USP34: variants seen among roughly 807,000 people sequenced by gnomAD.
USP34 encodes the protein ubiquitin carboxyl-terminal hydrolase 34.
A neutral mutation model predicts 460.3 loss-of-function variants in USP34; 70 were observed. The ratio of observed to expected loss-of-function variants is 0.15; its 90% CI spans 0.13 to 0.19. The LOEUF is 0.19. Among genes scored for constraint, USP34 ranks in the 10% least tolerant of loss-of-function variants. The pLI, the probability that USP34 is intolerant of heterozygous loss-of-function variation, is 1.00. For synonymous variants in USP34, 1,647 were observed against 1,405.3 expected, an observed-to-expected ratio of 1.17 and a Z score of -3.85; for missense variants, 3,985 against 4,236.2, an observed-to-expected ratio of 0.94 and a Z score of 1.65.
intron 34 of USP34, 53 bp from the exon 35 acceptor site, chr2:61,285,010 C>A: frequency 7.0e-7 from 1 of 1,427,728 alleles, no homozygotes; most frequent in Non-Finnish European, 9.6e-7. Context: ...AAGGAAAACC[C>A]TCAAAAAGCA....
At chr2:61,315,215 C>A (rs3765051) in intron 23 of USP34, among the ~76,000 whole-genome samples, 31 of 152,068 alleles carry the variant, frequency 2.0e-4, no homozygotes. Context: ...CTACATAGTA[C>A]GAAAATTCTA....
At position 61,226,843 on chromosome 2, in the gene USP34, T is replaced by C. The variant is rs930437562; in HGVS notation, c.7595+224A>G. 1.9e-5 allele frequency: 9 copies of C among 473,238 alleles called. No homozygotes were observed. The Admixed American group carries it at 2.1e-4, about 11-fold the overall frequency. The allele number at this position is 473,238 out of a possible 1,614,324, so 29.3% of individuals were successfully genotyped here. On this transcript the variant is annotated intron_variant, in intron 62 of 79. Coordinates refer to ENST00000398571, the MANE Select transcript of USP34 (RefSeq NM_014709.4). ...CAATGACTATTTCTAACACGACTCA[T>C]AGATGAAGTAAAAGTTTGGTAGAAA... is the stretch of plus-strand genomic sequence containing the variant.
At chr2:61,348,681 A>G (rs897191742) in intron 14 of USP34, 75 bp downstream of exon 14, 1 of 1,529,876 alleles carries the variant, frequency 6.5e-7, no homozygotes, top group African/African-American at 1.4e-5. Context: ...AATTATGTAT[A>G]TATACCCAAT....
At chr2:61,428,772 T>A (rs1694581840) in intron 1 of USP34, among the ~76,000 whole-genome samples, 2 of 152,034 alleles carry the variant, frequency 1.3e-5, no homozygotes, top group Admixed American at 6.6e-5. Flanking sequence ...AGGAAAAAAA[T>A]TAGCTATGCC....
At position 61,446,663 on chromosome 2, in the gene USP34, G is replaced by T. The variant is rs193271864; in HGVS notation, c.43+23987C>A. 1.8e-4 allele frequency among the ~76,000 whole-genome samples: 28 copies of T among 152,116 alleles called. No homozygotes were observed. In the Middle Eastern group the frequency reaches 0.01, roughly 55 times the overall value. ...ATACAAAAATTAGCCAGGTGTAGTGGTATGTGCCTGTAATCTCAGCTACTC... is the reference window on the plus strand; with the variant it reads ...ATACAAAAATTAGCCAGGTGTAGTGTTATGTGCCTGTAATCTCAGCTACTC... On this transcript the variant is annotated intron_variant, in intron 1 of 79. Coordinates refer to ENST00000398571, the MANE Select transcript of USP34 (RefSeq NM_014709.4).
At chr2:61,312,060 G>T (rs1221581862) in intron 25 of USP34, 150 bp from the exon 26 acceptor site, 1 of 931,880 alleles carries the variant, frequency 1.1e-6, no homozygotes, top group Non-Finnish European at 1.5e-6. Context: ...TTTAAGTTCA[G>T]ATTCATCATA....
intron 57 of USP34, 35 bp downstream of exon 57, chr2:61,235,808 CTT>C: frequency 6.3e-7 from 1 of 1,590,544 alleles, no homozygotes. Flanking sequence ...AAAAAAGAAT[CTT>C]AAACTATGCA....
chr2:61,284,688 A>C (rs746366197), intron 35 of USP34, among the ~76,000 whole-genome samples, 187 bp downstream of exon 35: 1 of 152,196 alleles, frequency 6.6e-6, no homozygotes, highest in Admixed American at 6.5e-5. Context: ...AAAATACGTG[A>C]CTCATAAATA....
chr2:61,246,836 A>C (rs555409163), intron 49 of USP34, among the ~76,000 whole-genome samples: 2 of 152,274 alleles, frequency 1.3e-5, no homozygotes, highest in African/African-American at 4.8e-5. Flanking sequence ...ATATTTCTTT[A>C]ATCTGACTAA....
At chr2:61,347,753 T>C in intron 15 of USP34, 117 bp downstream of exon 15, 1 of 1,478,166 alleles carries the variant, frequency 6.8e-7, no homozygotes, top group Non-Finnish European at 9.0e-7. Context: ...ACATTTATAG[T>C]TTGCACTATA....
chr2:61,421,195 A>G (rs998118969), intron 1 of USP34, among the ~76,000 whole-genome samples: 5 of 152,190 alleles, frequency 3.3e-5, no homozygotes, highest in East Asian at 3.8e-4. Context: ...CTAGAAGAAG[A>G]AGGCAGGAGG....
intron 10 of USP34, among the ~76,000 whole-genome samples, chr2:61,352,991 G>A (rs1425575696): frequency 2.0e-5 from 3 of 152,196 alleles, no homozygotes; most frequent in South Asian, 4.1e-4. Context: ...AAACTCTAGA[G>A]TCAATCTGAA....
In USP34 at chr2:61,339,581, G is replaced by A; in HGVS notation, c.2601C>T (p.Val867=). 6.4e-7 allele frequency: 1 copy of A among 1,574,318 alleles called. No homozygotes were observed. Among genetic ancestry groups the A allele is most frequent in the Non-Finnish European group, 8.6e-7 (1 of 1,167,050 alleles). The change falls in exon 17 of 80, where the codon GTC becomes GTT. Residue 867 remains valine, a synonymous_variant. Coordinates refer to ENST00000398571, the MANE Select transcript of USP34 (RefSeq NM_014709.4). ...KKGNTLLWDI[V]QDEDAVNLSE... Reference sequence around the variant, plus strand: ...AATAACTTACTGCATCTTCATCTTGGACTATATCCCACAACAAAGTATTTC... The same window carrying A: ...AATAACTTACTGCATCTTCATCTTGAACTATATCCCACAACAAAGTATTTC...
At position 61,418,111 on chromosome 2, in the gene USP34, C is replaced by T. The variant is rs182907280; in HGVS notation, c.131+2635G>A. ...CTTTTTTTTTTTTAAGATGGAGTCT[C>T]ACTCTATTCCAGGCTGGAATGCAGT... On this transcript the variant is annotated intron_variant, in intron 2 of 79. Transcript: ENST00000398571. Among the ~76,000 whole-genome samples, 6 of 146,642 alleles carry T rather than the reference C, an allele frequency of 4.1e-5. No individual in the cohort carries two copies. In the East Asian group the frequency reaches 1.0e-3, roughly 25 times the overall value.
chr2:61,463,170 T>C (rs1332144350), intron 1 of USP34, among the ~76,000 whole-genome samples: 1 of 151,810 alleles, frequency 6.6e-6, no homozygotes, highest in Non-Finnish European at 1.5e-5. Context: ...CACTGCAGAA[T>C]AACAGTATTA....
chr2:61,406,950 T>G (rs1573010703), intron 2 of USP34, among the ~76,000 whole-genome samples: 1 of 151,858 alleles, frequency 6.6e-6, no homozygotes, highest in African/African-American at 2.4e-5. Context: ...GCGGAGGCTG[T>G]AGTGAGCCAA....
At chr2:61,363,947 C>T (rs1322230013) in intron 10 of USP34, among the ~76,000 whole-genome samples, 3 of 152,178 alleles carry the variant, frequency 2.0e-5, no homozygotes, top group African/African-American at 7.2e-5. Flanking sequence ...TCACCAATAA[C>T]AACTTTGTAC....
At chr2:61,354,458 T>C (rs1264937165) in intron 10 of USP34, among the ~76,000 whole-genome samples, 2 of 152,160 alleles carry the variant, frequency 1.3e-5, no homozygotes, top group African/African-American at 4.8e-5. Context: ...CTGAAGGAGT[T>C]TGTGACACTT....
chr2:61,192,786 A>G (rs1686680831), intron 76 of USP34, 115 bp downstream of exon 76: 1 of 718,684 alleles, frequency 1.4e-6, no homozygotes, highest in African/African-American at 1.8e-5. Flanking sequence ...GTTACCTATC[A>G]AGATTCTAAA....
Sources: allele counts gnomAD v4.1 joint callset (sites outside exome capture counted in the v4.1 genomes callset), GRCh38; gene constraint gnomAD v4.1.1; transcripts MANE v1.5; gene names NCBI Gene and HGNC (gene_info 2026-07-23, HGNC 2026-07-21).